The following ITGA6 variants were observed in gnomAD, a reference collection of about 807,000 sequenced individuals.
ITGA6 encodes the protein integrin alpha-6.
ITGA6 carries 63 observed loss-of-function variants against 133.6 expected under a neutral mutation model. The ratio of observed to expected loss-of-function variants is 0.47; its 90% CI spans 0.38 to 0.58. ITGA6 has a LOEUF of 0.58. Among genes scored for constraint, ITGA6 ranks in the 20% least tolerant of loss-of-function variants. The pLI is 0.00. For synonymous variants in ITGA6, 434 were observed against 482.0 expected (o/e 0.90, Z 1.30); for missense variants, 1,068 against 1,309.4 (o/e 0.82, Z 2.85).
intron 1 of ITGA6, among the ~76,000 whole-genome samples, chr2:172,459,579 T>G (rs1046330336): frequency 2.0e-5 from 3 of 152,100 alleles, no homozygotes; most frequent in African/African-American, 7.3e-5. Flanking sequence ...TAGAATTAAT[T>G]ACAGCAGTGC....
At chr2:172,475,778 T>A (rs192197501) in intron 8 of ITGA6, 93 bp downstream of exon 8, 1 of 783,230 alleles carries the variant, frequency 1.3e-6, no homozygotes, top group African/African-American at 1.7e-5. Context: ...ACACAAATCT[T>A]ATTTTATTTA....
At chr2:172,472,814 T>G (rs1347852635) in intron 5 of ITGA6, 2 of 1,612,646 alleles carry the variant, frequency 1.2e-6, no homozygotes, top group East Asian at 4.5e-5. Flanking sequence ...CAGATCCTGA[T>G]CAGTTTGTTT....
At position 172,480,026 on chromosome 2, in the gene ITGA6, C is replaced by T. The variant is rs1380398585; in HGVS notation, c.1524C>T (p.Asn508=). Residue 508 remains asparagine (N), a synonymous_variant, in exon 11 of 26, where the codon AAC becomes AAT. Transcript: ENST00000684293. The part of the protein sequence containing the change: ...QVKSCFEYTA[N]PAGYNPSISI... ...AATCCTGTTTTGAATATACTGCTAA[C>T]CCCGCTGGTTATAATCCTTCAATAT... The T allele has an allele frequency of 6.3e-7, 1 of 1,587,540 alleles. No homozygotes were observed. The highest frequency in any genetic ancestry group is 8.7e-7 in the Non-Finnish European group (1 of 1,155,932).
At chr2:172,432,081 G>A (rs1436571934) in intron 1 of ITGA6, among the ~76,000 whole-genome samples, 1 of 152,168 alleles carries the variant, frequency 6.6e-6, no homozygotes. Flanking sequence ...TGTGGACAGT[G>A]AGGCCAGTGA....
rs1223423501 is a variant in ITGA6, at chr2:172,479,842, T to C, written c.1487+103T>C. 2.3e-5 allele frequency: 27 copies of C among 1,189,186 alleles called. No homozygotes were observed. The Admixed American group carries it at 4.0e-4, about 18-fold the overall frequency. 73.7% of individuals were successfully genotyped at this position (1,189,186 alleles called of 1,614,324 possible). A position where few individuals can be genotyped will look rare whatever the true frequency, so the allele number is the denominator to read the frequency against. ...GCCACAGGGAAGATGACAGGAGTGCTGGGCAAAGGGAAGAGGGTCTGTCAA... is the reference window on the plus strand; with the variant it reads ...GCCACAGGGAAGATGACAGGAGTGCCGGGCAAAGGGAAGAGGGTCTGTCAA... On this transcript the variant is annotated intron_variant, in intron 10 of 25. Transcript: ENST00000684293.
In ITGA6 at chr2:172,427,945, C is replaced by T. The variant is rs374272135; in HGVS notation, c.157C>T (p.Gln53Ter). The T allele has an allele frequency of 1.9e-6, 3 of 1,606,084 alleles. No homozygotes were observed. The highest frequency in any genetic ancestry group is 2.5e-6 in the Non-Finnish European group (3 of 1,176,824). Residue 53 changes from glutamine to a stop codon, truncating the protein, a stop_gained, in exon 1 of 26, where the codon CAA (glutamine) becomes TAA (stop). Transcript: ENST00000684293. LOFTEE classifies it high-confidence loss of function. The stretch of plus-strand genomic sequence containing the variant: ...CGGCTTCTCGCTGGCCATGCACTGG[C>T]AACTGCAGCCCGAGGACAAGCGGCT... ...LFGFSLAMHW[Q>*]LQPEDKRLLL...
rs1194202132 is a variant in ITGA6, at chr2:172,505,864, TCA to T, written c.*1797_*1798del. ...ACAGGTTATAACAGTGTTTAAAGTC[TCA>T]GTTTCTTGCTTGGGGAACTTGTGTC... On this transcript the variant is annotated 3_prime_UTR_variant, in exon 26 of 26. Transcript: ENST00000684293. The T allele has an allele frequency of 1.3e-5, 2 of 152,610 alleles. No homozygotes were observed. The highest frequency in any genetic ancestry group is 2.9e-5 in the Non-Finnish European group (2 of 68,032). The allele number at this position is 152,610 out of a possible 1,614,324, so 9.5% of individuals were successfully genotyped here.
At chr2:172,438,754 CTCTTA>C (rs1342821020) in intron 1 of ITGA6, among the ~76,000 whole-genome samples, 1 of 149,928 alleles carries the variant, frequency 6.7e-6, no homozygotes, top group Non-Finnish European at 1.5e-5. Context: ...TTTTGTAGCT[CTCTTA>C]TCTTTTCAGT....
chr2:172,452,856 G>A (rs1041416341), intron 1 of ITGA6, among the ~76,000 whole-genome samples: 1 of 152,216 alleles, frequency 6.6e-6, no homozygotes. Context: ...CAAATGTGGT[G>A]TGGGTATTTG....
intron 1 of ITGA6, among the ~76,000 whole-genome samples, chr2:172,452,163 T>C (rs1295506926): frequency 6.6e-6 from 1 of 152,186 alleles, no homozygotes; most frequent in African/African-American, 2.4e-5. Flanking sequence ...ACCTTCCAGT[T>C]CTTTATAGGT....
At chr2:172,463,630 G>A (rs552832039) in intron 1 of ITGA6, among the ~76,000 whole-genome samples, 1 of 152,204 alleles carries the variant, frequency 6.6e-6, no homozygotes, top group East Asian at 1.9e-4. Context: ...GTGAGATCTT[G>A]GGGGATGAGT....
At chr2:172,473,920 T>C in intron 5 of ITGA6, 135 bp from the exon 6 acceptor site, 1 of 633,482 alleles carries the variant, frequency 1.6e-6, no homozygotes, top group Non-Finnish European at 2.8e-6. Flanking sequence ...ATATTACGAA[T>C]GTGATAGCTG....
intron 1 of ITGA6, among the ~76,000 whole-genome samples, chr2:172,453,649 A>T (rs1685097409): frequency 6.6e-6 from 1 of 152,218 alleles, no homozygotes; most frequent in African/African-American, 2.4e-5. Context: ...GCCCATCTGG[A>T]TAATCCAAGA....
At chr2:172,454,790 G>A (rs1016682368) in intron 1 of ITGA6, among the ~76,000 whole-genome samples, 3 of 152,190 alleles carry the variant, frequency 2.0e-5, no homozygotes, top group African/African-American at 7.2e-5. Flanking sequence ...AATGGGCCCA[G>A]TGGTTCTTGT....
rs934853039 is a variant in ITGA6 at position 172,498,497 on chromosome 2, A to G, written c.3114+397A>G. 2.0e-5 allele frequency among the ~76,000 whole-genome samples: 3 copies of G among 152,224 alleles called. 1 individual carries two copies. Among genetic ancestry groups the G allele is most frequent in the African/African-American group, 7.2e-5 (3 of 41,466 alleles). On this transcript the variant is annotated intron_variant, in intron 24 of 25. Coordinates refer to ENST00000684293, the MANE Select transcript of ITGA6 (RefSeq NM_000210.4). ...ATTTCAGTTTCTGTGAAGAATGTTC[A>G]TAGCAGCCATTGGTGTTGGTTATGC...
intron 24 of ITGA6, among the ~76,000 whole-genome samples, chr2:172,500,145 T>C (rs1356427704): frequency 1.3e-5 from 2 of 152,072 alleles, no homozygotes; most frequent in African/African-American, 4.8e-5. Context: ...AGGGCAAAGC[T>C]AAACTAGGCA....
chr2:172,431,394 T>C (rs1684099701), intron 1 of ITGA6, among the ~76,000 whole-genome samples: 1 of 152,192 alleles, frequency 6.6e-6, no homozygotes, highest in African/African-American at 2.4e-5. Flanking sequence ...ATTTTGGAAG[T>C]GTACTATATT....
At chr2:172,466,124 C>T (rs551743967) in intron 2 of ITGA6, 1 of 263,228 alleles carries the variant, frequency 3.8e-6, no homozygotes, top group African/African-American at 2.2e-5. Context: ...CAGATAGAGA[C>T]TTGTTTTGTT....
At chr2:172,465,832 T>A (rs1472965227) in intron 2 of ITGA6, 169 bp downstream of exon 2, 1 of 951,658 alleles carries the variant, frequency 1.1e-6, no homozygotes, top group East Asian at 2.6e-5. Flanking sequence ...ACTTTACTTC[T>A]GAATCATACT....
Sources: gnomAD v4.1 joint callset for allele counts (sites outside exome capture counted in the v4.1 genomes callset) on GRCh38, gnomAD v4.1.1 for gene constraint, MANE v1.5 for transcripts, NCBI Gene and HGNC (gene_info 2026-07-23, HGNC 2026-07-21) for gene names.